Variants in CLMN observed in about 807,000 individuals in gnomAD.
The protein encoded by CLMN is calmin.
CLMN carries 57 observed loss-of-function variants against 92.7 expected under a neutral mutation model. That is an observed-to-expected ratio of 0.61 (90% CI 0.50 to 0.77). The LOEUF is 0.77. Among genes scored for constraint, CLMN ranks in the 30% least tolerant of loss-of-function variants. CLMN has a pLI of 0.00. For missense variants in CLMN, 1,158 were observed against 1,237.5 expected (o/e 0.94, Z 0.96); for synonymous variants, 466 against 470.6 (o/e 0.99, Z 0.13).
At chr14:95,241,550 T>G (rs1302037346) in intron 1 of CLMN, among the ~76,000 whole-genome samples, 1 of 152,174 alleles carries the variant, frequency 6.6e-6, no homozygotes, top group Non-Finnish European at 1.5e-5. Context: ...TGAACTGAAG[T>G]TTCTACCCTG....
intron 1 of CLMN, among the ~76,000 whole-genome samples, chr14:95,252,924 T>C (rs1337027622): frequency 6.6e-6 from 1 of 152,150 alleles, no homozygotes; most frequent in Non-Finnish European, 1.5e-5. Context: ...TTGCTTGCAT[T>C]GATTTTAATC....
chr14:95,195,106 C>T (rs914156041), intron 10 of CLMN, among the ~76,000 whole-genome samples: 2 of 152,192 alleles, frequency 1.3e-5, no homozygotes, highest in African/African-American at 4.8e-5. Flanking sequence ...GATGGAGCCC[C>T]GCCTGAATCA....
In CLMN at chr14:95,238,206, G is replaced by A. The variant is rs924569909; in HGVS notation, c.83-8073C>T. Among the ~76,000 whole-genome samples the A allele has an allele frequency of 3.3e-5, 5 of 152,132 alleles. No homozygotes were observed. The East Asian group carries it at 9.7e-4, about 29-fold the overall frequency. ...TGGCCCAGCCCCGCTTGGTGGTTTC[G>A]CTCCTTTCCCCATCTTTCAACACCT... On this transcript the variant is annotated intron_variant, in intron 1 of 12. Coordinates refer to ENST00000298912, the MANE Select transcript of CLMN (RefSeq NM_024734.4).
At chr14:95,217,335 C>T (rs1261124510) in intron 4 of CLMN, among the ~76,000 whole-genome samples, 1 of 152,174 alleles carries the variant, frequency 6.6e-6, no homozygotes, top group African/African-American at 2.4e-5. Flanking sequence ...GGTCTCTGAT[C>T]CTATCAGTTC....
rs555834251 is a variant in CLMN, at chr14:95,203,278, G to T, written c.2071C>A (p.Pro691Thr). The T allele has an allele frequency of 2.0e-5, 33 of 1,613,862 alleles. 2 individuals carry two copies. Among genetic ancestry groups the T allele is most frequent in the Middle Eastern group, 3.3e-4 (2 of 6,010 alleles). Residue 691 changes from proline (P) to threonine (T), a missense_variant, in exon 9 of 13, where the codon CCA (proline) becomes ACA (threonine). By Grantham distance (38) the Pro-to-Thr change is conservative. Transcript: ENST00000298912. ...GTCTCCAAGCTGACACAGCTGCTTG[G>T]GGGGCTGGAAGATAATTCCTCGCCC... ...GVGEELSSSPPSSCVSLETLG... is the reference protein window; with the variant it reads ...GVGEELSSSPTSSCVSLETLG...
chr14:95,225,018 G>A (rs919681191), intron 2 of CLMN, among the ~76,000 whole-genome samples: 11 of 152,156 alleles, frequency 7.2e-5, no homozygotes, highest in African/African-American at 2.4e-4. Flanking sequence ...CTCACCCCAC[G>A]TGTGTAGACT....
chr14:95,268,403 A>G (rs1899563802), intron 1 of CLMN, among the ~76,000 whole-genome samples: 1 of 151,826 alleles, frequency 6.6e-6, no homozygotes, highest in Non-Finnish European at 1.5e-5. Context: ...CCAATCTCAA[A>G]TGATTACACC....
At chr14:95,292,089 C>T (rs1033159281) in intron 1 of CLMN, among the ~76,000 whole-genome samples, 5 of 152,214 alleles carry the variant, frequency 3.3e-5, no homozygotes, top group African/African-American at 1.2e-4. Flanking sequence ...GGGCCTATTT[C>T]ACAGATAGGG....
intron 1 of CLMN, among the ~76,000 whole-genome samples, chr14:95,264,742 C>T (rs982494408): frequency 2.6e-5 from 4 of 152,082 alleles, no homozygotes; most frequent in Non-Finnish European, 5.9e-5. Context: ...CTAGATGTTT[C>T]TGTGAAGTCG....
intron 1 of CLMN, among the ~76,000 whole-genome samples, chr14:95,272,429 G>A (rs1899748524): frequency 2.0e-5 from 3 of 152,194 alleles, no homozygotes; most frequent in Non-Finnish European, 2.9e-5. Flanking sequence ...CAGAGATGAA[G>A]TCAGCCATTC....
At chr14:95,212,507 C>T (rs752033827) in intron 6 of CLMN, among the ~76,000 whole-genome samples, 37 of 152,160 alleles carry the variant, frequency 2.4e-4, no homozygotes, top group Non-Finnish European at 4.9e-4. Context: ...CTCCAGTTCC[C>T]GTCTCGATTT....
chr14:95,253,040 A>AC (rs1210008890), intron 1 of CLMN, among the ~76,000 whole-genome samples: 2 of 151,710 alleles, frequency 1.3e-5, no homozygotes, highest in African/African-American at 4.8e-5. Context: ...GATTTTAGGA[A>AC]CCCCCCTGAA....
At position 95,292,852 on chromosome 14, in the gene CLMN, C is replaced by T. The variant is rs564845781; in HGVS notation, c.82+26859G>A. ...GCAGGCCTGTGAGAGCACGGGTGCC[C>T]GGTGTGGGTCTGCTCCTCCAGGGAC... On this transcript the variant is annotated intron_variant, in intron 1 of 12. Transcript: ENST00000298912. Among the ~76,000 whole-genome samples, 17 of 152,220 alleles carry T rather than the reference C, an allele frequency of 1.1e-4. No individual in the cohort carries two copies. In the South Asian group the frequency reaches 3.3e-3, roughly 30 times the overall value.
intron 5 of CLMN, among the ~76,000 whole-genome samples, 164 bp downstream of exon 5, chr14:95,215,477 C>G (rs924707890): frequency 1.3e-5 from 2 of 152,222 alleles, no homozygotes; most frequent in African/African-American, 2.4e-5. Flanking sequence ...GACTCAAACA[C>G]TTTAGCAACC....
chr14:95,235,761 G>C (rs1478770430), intron 1 of CLMN, among the ~76,000 whole-genome samples: 1 of 152,224 alleles, frequency 6.6e-6, no homozygotes, highest in Non-Finnish European at 1.5e-5. Flanking sequence ...CGTCCATCCA[G>C]ACAGGTCCAC....
chr14:95,228,616 T>G (rs1897785903), intron 2 of CLMN, among the ~76,000 whole-genome samples: 1 of 152,260 alleles, frequency 6.6e-6, no homozygotes, highest in South Asian at 2.1e-4. Context: ...TTTCAGTGAT[T>G]TCTTCTAAGA....
intron 1 of CLMN, among the ~76,000 whole-genome samples, chr14:95,248,663 T>A (rs1302761676): frequency 6.6e-6 from 1 of 152,176 alleles, no homozygotes; most frequent in African/African-American, 2.4e-5. Flanking sequence ...CCTCTGCAGA[T>A]GGATGCGTGC....
chr14:95,245,247 TATATATA>T (rs1375503366), intron 1 of CLMN, among the ~76,000 whole-genome samples: 11 of 36,094 alleles, frequency 3.0e-4, no homozygotes, highest in African/African-American at 1.7e-3. Flanking sequence ...ATTATATATA[TATATATA>T]ATATATATAT....
At position 95,217,117 on chromosome 14, in the gene CLMN, T is replaced by C. The variant is rs116692144; in HGVS notation, c.325-1384A>G. ...TCTGCCACACATTTTTCTTCTTTCT[T>C]AACAACGCTTAATAAAGCAAAAGTC... On this transcript the variant is annotated intron_variant, in intron 4 of 12. Coordinates refer to ENST00000298912, the MANE Select transcript of CLMN (RefSeq NM_024734.4). 8.4e-3 allele frequency among the ~76,000 whole-genome samples: 1,280 copies of C among 152,290 alleles called. 21 individuals carry two copies. Among genetic ancestry groups the C allele is most frequent in the African/African-American group, 0.029 (1,206 of 41,556 alleles).
Sources: allele counts gnomAD v4.1 joint callset (sites outside exome capture counted in the v4.1 genomes callset), GRCh38; gene constraint gnomAD v4.1.1; transcripts MANE v1.5; gene names NCBI Gene and HGNC (gene_info 2026-07-23, HGNC 2026-07-21).